Variants in RBFOX2 observed in about 807,000 individuals in gnomAD.
The protein encoded by RBFOX2 is RNA binding fox-1 homolog 2.
A neutral mutation model predicts 49.1 loss-of-function variants in RBFOX2; 10 were observed. That is an observed-to-expected ratio of 0.20 (90% confidence interval 0.13 to 0.35). The LOEUF (loss-of-function observed/expected upper bound fraction) is 0.35, where lower values mean the gene tolerates loss of function less well. RBFOX2 is among the 10% of genes least tolerant of loss of function. The pLI is 1.00. For missense variants in RBFOX2, 323 were observed against 486.9 expected (o/e 0.66, Z 3.17); for synonymous variants, 183 against 187.4 (o/e 0.98, Z 0.19).
At chr22:35,921,663 T>G (rs1002765457) in intron 1 of RBFOX2, among the ~76,000 whole-genome samples, 6 of 152,162 alleles carry the variant, frequency 3.9e-5, no homozygotes, top group African/African-American at 1.4e-4. Flanking sequence ...CCCAGCACAT[T>G]GAGGGAATTG....
chr22:35,912,675 G>A (rs5750198), intron 1 of RBFOX2, among the ~76,000 whole-genome samples: 11,637 of 152,140 alleles, frequency 0.076, 460 homozygotes, highest in South Asian at 0.086. Context: ...TTTTTCAGTT[G>A]TTAAACTTAT....
At chr22:35,961,641 G>T in exon 1 of RBFOX2, 1 of 1,303,986 alleles carries the variant, frequency 7.7e-7, no homozygotes. Flanking sequence ...AAACCCTGCT[G>T]CTCTCCCCTT....
intron 3 of RBFOX2, among the ~76,000 whole-genome samples, chr22:35,779,314 G>A (rs1467739971): frequency 2.6e-5 from 4 of 152,094 alleles, no homozygotes; most frequent in Non-Finnish European, 4.4e-5. Context: ...AGTCATACCT[G>A]ATTATCTACT....
At chr22:35,820,334 C>T (rs1954196851) in intron 1 of RBFOX2, among the ~76,000 whole-genome samples, 1 of 152,118 alleles carries the variant, frequency 6.6e-6, no homozygotes, top group Non-Finnish European at 1.5e-5. Flanking sequence ...TAATGTGTGT[C>T]GAATGCTGAA....
intron 1 of RBFOX2, among the ~76,000 whole-genome samples, chr22:35,862,025 C>T (rs1051322559): frequency 6.6e-6 from 1 of 152,112 alleles, no homozygotes; most frequent in Non-Finnish European, 1.5e-5. Flanking sequence ...CCACGCAAAA[C>T]AGTACTTATT....
chr22:36,028,273 C>CTCG (rs1183439074), exon 1 of RBFOX2: 9 of 1,535,588 alleles, frequency 5.9e-6, no homozygotes, highest in Non-Finnish European at 7.8e-6. Flanking sequence ...CCGCCGCCTC[C>CTCG]TCAGTGCGCG....
At chr22:35,915,625 A>G (rs1451495665) in intron 1 of RBFOX2, among the ~76,000 whole-genome samples, 1 of 152,176 alleles carries the variant, frequency 6.6e-6, no homozygotes. Flanking sequence ...AATTATGTAA[A>G]CCAGGGTGAG....
chr22:35,875,669 T>TGTGTGTGTGTGTGTGTG (rs2044980897), intron 1 of RBFOX2, among the ~76,000 whole-genome samples: 1 of 132,938 alleles, frequency 7.5e-6, no homozygotes, highest in East Asian at 2.3e-4. Context: ...TGTGTGTGTC[T>TGTGTGTGTGTGTGTGTG]TGTAGCCCAT....
At chr22:35,886,149 C>T (rs533500389) in intron 1 of RBFOX2, among the ~76,000 whole-genome samples, 2 of 152,210 alleles carry the variant, frequency 1.3e-5, no homozygotes, top group East Asian at 1.9e-4. Flanking sequence ...AGCCACCGCG[C>T]CCGGCCCAAA....
At chr22:35,915,019 C>T in intron 1 of RBFOX2, among the ~76,000 whole-genome samples, 1 of 152,180 alleles carries the variant, frequency 6.6e-6, no homozygotes, top group East Asian at 1.9e-4. Flanking sequence ...GAAATCGACA[C>T]TGCCACCAAC....
At chr22:35,860,720 A>C (rs2043006767) in intron 1 of RBFOX2, among the ~76,000 whole-genome samples, 1 of 152,220 alleles carries the variant, frequency 6.6e-6, no homozygotes, top group African/African-American at 2.4e-5. Flanking sequence ...ATTTCTACAA[A>C]TATCTGGCTA....
At chr22:35,855,988 C>G (rs894812782) in intron 1 of RBFOX2, among the ~76,000 whole-genome samples, 5 of 150,252 alleles carry the variant, frequency 3.3e-5, no homozygotes, top group Admixed American at 3.3e-4. Context: ...GCCTAGGAGA[C>G]AGAGTGAGAC....
At chr22:35,892,697 G>C (rs866550500) in intron 1 of RBFOX2, among the ~76,000 whole-genome samples, 8 of 152,128 alleles carry the variant, frequency 5.3e-5, no homozygotes, top group African/African-American at 1.9e-4. Flanking sequence ...AGTTTTCTCT[G>C]ATCACCTAGA....
intron 1 of RBFOX2, among the ~76,000 whole-genome samples, chr22:35,956,316 C>T (rs1281784141): frequency 6.6e-6 from 1 of 152,048 alleles, no homozygotes; most frequent in Non-Finnish European, 1.5e-5. Flanking sequence ...CAAATTTTAT[C>T]ACTGGCCACA....
chr22:35,903,493 T>C, intron 1 of RBFOX2, among the ~76,000 whole-genome samples: 1 of 152,000 alleles, frequency 6.6e-6, no homozygotes. Flanking sequence ...TCTCATCCAT[T>C]CCCATCACTT....
chr22:35,900,875 C>G (rs1430599825), intron 1 of RBFOX2, among the ~76,000 whole-genome samples: 2 of 152,218 alleles, frequency 1.3e-5, no homozygotes, highest in East Asian at 3.8e-4. Flanking sequence ...GACAGAGGCA[C>G]TGGCCACATG....
intron 2 of RBFOX2, among the ~76,000 whole-genome samples, chr22:35,802,404 A>C (rs1454263514): frequency 6.6e-6 from 1 of 152,240 alleles, no homozygotes; most frequent in Non-Finnish European, 1.5e-5. Context: ...CAAAGTTGTC[A>C]AAAACAGCCA....
intron 1 of RBFOX2, among the ~76,000 whole-genome samples, chr22:35,811,463 C>G (rs1013055860): frequency 6.6e-6 from 1 of 152,094 alleles, no homozygotes; most frequent in African/African-American, 2.4e-5. Flanking sequence ...TGACCATCTA[C>G]AAGCCAACAA....
chr22:35,851,769 C>G (rs892426505), intron 1 of RBFOX2, among the ~76,000 whole-genome samples: 2 of 151,428 alleles, frequency 1.3e-5, no homozygotes, highest in African/African-American at 4.9e-5. Flanking sequence ...CGAAGGCTCA[C>G]CACCGCAGCC....
Sources: allele counts gnomAD v4.1 joint callset (sites outside exome capture counted in the v4.1 genomes callset), GRCh38; gene constraint gnomAD v4.1.1; transcripts MANE v1.5; gene names NCBI Gene and HGNC (gene_info 2026-07-23, HGNC 2026-07-21).